CDH18: variants seen among roughly 807,000 people sequenced by gnomAD.
CDH18 encodes cadherin-18.
A neutral mutation model predicts 67.9 loss-of-function variants in CDH18; 31 were observed. The ratio of observed to expected loss-of-function variants is 0.46; its 90% CI spans 0.34 to 0.62. The LOEUF (loss-of-function observed/expected upper bound fraction) is 0.62, where lower values mean the gene tolerates loss of function less well. CDH18 is among the 20% of genes least tolerant of loss of function. CDH18 has a pLI of 0.01. For synonymous variants in CDH18, 362 were observed against 347.2 expected, an observed-to-expected ratio of 1.04 and a Z score of -0.48; for missense variants, 890 against 975.5, an observed-to-expected ratio of 0.91 and a Z score of 1.17.
intron 3 of CDH18, among the ~76,000 whole-genome samples, chr5:19,757,710 T>G (rs1581217132): frequency 6.6e-6 from 1 of 152,204 alleles, no homozygotes; most frequent in African/African-American, 2.4e-5. Context: ...CAAATTTCTT[T>G]GTCACCAATT....
chr5:20,166,414 T>C (rs1199605749), intron 2 of CDH18, among the ~76,000 whole-genome samples: 1 of 121,468 alleles, frequency 8.2e-6, no homozygotes, highest in Non-Finnish European at 1.6e-5. Context: ...CACTCCAGCC[T>C]GGGCAACAGA....
chr5:20,021,000 CT>C (rs1738368045), intron 2 of CDH18, among the ~76,000 whole-genome samples: 1 of 151,560 alleles, frequency 6.6e-6, no homozygotes, highest in Non-Finnish European at 1.5e-5. Flanking sequence ...GGTGAAGGTT[CT>C]CAAGGCCTTG....
intron 1 of CDH18, among the ~76,000 whole-genome samples, chr5:20,488,891 G>A (rs565010358): frequency 2.6e-5 from 4 of 151,694 alleles, no homozygotes; most frequent in East Asian, 1.9e-4. Flanking sequence ...AAGAACCTGC[G>A]GTTTTAATTT....
intron 5 of CDH18, among the ~76,000 whole-genome samples, chr5:19,704,597 G>C (rs1425217542): frequency 6.6e-6 from 1 of 152,196 alleles, no homozygotes; most frequent in Admixed American, 6.5e-5. Context: ...CCAAAGTTTA[G>C]GATATTATTT....
At chr5:20,400,872 C>T (rs1363574027) in intron 1 of CDH18, among the ~76,000 whole-genome samples, 4 of 152,154 alleles carry the variant, frequency 2.6e-5, no homozygotes, top group African/African-American at 9.7e-5. Flanking sequence ...ATCCCTTATA[C>T]TGAAACTTAT....
intron 1 of CDH18, among the ~76,000 whole-genome samples, chr5:19,983,479 C>A (rs531615238): frequency 3.9e-5 from 6 of 152,106 alleles, no homozygotes; most frequent in Non-Finnish European, 8.8e-5. Flanking sequence ...TGAGTAAAAT[C>A]TTGAATAAGA....
intron 1 of CDH18, among the ~76,000 whole-genome samples, chr5:20,393,332 A>G (rs1326702516): frequency 6.6e-6 from 1 of 151,998 alleles, no homozygotes; most frequent in Non-Finnish European, 1.5e-5. Flanking sequence ...AGAAGCATAT[A>G]TATACATTCA....
chr5:19,473,758 G>A lies in CDH18; in HGVS notation c.1883-42C>T, dbSNP rs138154456. 31 of 1,468,342 alleles carry A rather than the reference G, an allele frequency of 2.1e-5. No individual in the cohort carries two copies. In the African/African-American group the frequency reaches 3.7e-4, roughly 17 times the overall value. 91.0% of individuals were successfully genotyped at this position (1,468,342 alleles called of 1,614,324 possible). A position where few individuals can be genotyped will look rare whatever the true frequency, so the allele number is the denominator to read the frequency against. On this transcript the variant is annotated intron_variant, in intron 12 of 12. Coordinates refer to ENST00000382275, the MANE Select transcript of CDH18 (RefSeq NM_004934.5). ...AAAGGATGAAGAATTAAGAAAACAG[G>A]AAGGAAATTCTTAGAGATTTTACAA...
rs1554093992 is a variant in CDH18 at position 20,130,078 on chromosome 5, A to ATTATTATTATTATTATTATTG, written c.-518+125365_-518+125366insCAATAATAATAATAATAATAA. Among the ~76,000 whole-genome samples, 115 of 142,134 alleles carry ATTATTATTATTATTATTATTG rather than the reference A, an allele frequency of 8.1e-4. 1 individual carries two copies. Among genetic ancestry groups the ATTATTATTATTATTATTATTG allele is most frequent in the African/African-American group, 2.8e-3 (109 of 38,628 alleles). 93.2% of individuals were successfully genotyped at this position (142,134 alleles called of 152,430 possible). Reference sequence around the variant, plus strand: ...TGGCAATATTATTATTATTATTGTTATTATTATTATTATTATTGAATGTGT... The same window carrying ATTATTATTATTATTATTATTG: ...TGGCAATATTATTATTATTATTGTTATTATTATTATTATTATTATTGTTATTATTATTATTATTGAATGTGT... On this transcript the variant is annotated intron_variant, in intron 2 of 14. Coordinates refer to the CDH18 transcript ENST00000507958.
In CDH18 at chr5:20,328,473, T is replaced by TTG. The variant is rs70954646; in HGVS notation, c.-579-72970_-579-72969dup. Among the ~76,000 whole-genome samples the TTG allele has an allele frequency of 1.2e-3, 163 of 141,398 alleles. 1 individual carries two copies. The highest frequency in any genetic ancestry group is 3.3e-3 in the African/African-American group (122 of 37,092). 92.8% of individuals were successfully genotyped at this position (141,398 alleles called of 152,430 possible). ...TTTATTGAGGTGTTGGAGAAGCCAT[T>TTG]TGTGTGTGTGTGTGTGTGTGTGTGT... On this transcript the variant is annotated intron_variant, in intron 1 of 14. Coordinates refer to the CDH18 transcript ENST00000507958.
chr5:19,868,400 G>C (rs2150009600), intron 2 of CDH18, among the ~76,000 whole-genome samples: 1 of 152,074 alleles, frequency 6.6e-6, no homozygotes, highest in Middle Eastern at 3.4e-3. Context: ...ACTAACAAGA[G>C]ATATACTATA....
intron 1 of CDH18, among the ~76,000 whole-genome samples, chr5:20,553,183 C>A (rs1757731050): frequency 3.3e-5 from 5 of 152,158 alleles, no homozygotes; most frequent in Admixed American, 2.6e-4. Context: ...TAACTTTAGT[C>A]TGTGGAAAGA....
chr5:19,761,591 A>G (rs1772357099), intron 3 of CDH18, among the ~76,000 whole-genome samples: 1 of 152,180 alleles, frequency 6.6e-6, no homozygotes. Context: ...AAAATAAAAG[A>G]GGACACAAAC....
At chr5:19,725,554 G>A (rs945632727) in intron 4 of CDH18, among the ~76,000 whole-genome samples, 3 of 152,158 alleles carry the variant, frequency 2.0e-5, no homozygotes, top group Admixed American at 6.5e-5. Context: ...TGGATCACCT[G>A]AGGTTGGTGA....
At chr5:19,984,505 A>G (rs1799375385) in intron 1 of CDH18, among the ~76,000 whole-genome samples, 1 of 152,186 alleles carries the variant, frequency 6.6e-6, no homozygotes. Context: ...CATGAAAATA[A>G]TATAGCAGAG....
chr5:19,614,929 C>T (rs1561473369), intron 5 of CDH18, among the ~76,000 whole-genome samples: 1 of 152,050 alleles, frequency 6.6e-6, no homozygotes, highest in East Asian at 1.9e-4. Context: ...AGGCAGATCA[C>T]GAGGTCAGAA....
At chr5:20,386,848 T>G (rs1447784043) in intron 1 of CDH18, among the ~76,000 whole-genome samples, 1 of 152,142 alleles carries the variant, frequency 6.6e-6, no homozygotes, top group Admixed American at 6.5e-5. Context: ...ATTATGTTTA[T>G]TTTGGGGCAT....
intron 2 of CDH18, among the ~76,000 whole-genome samples, chr5:20,107,081 TTTC>T (rs1410600688): frequency 1.9e-5 from 1 of 53,352 alleles, no homozygotes; most frequent in Non-Finnish European, 5.1e-5. Context: ...CTTTTATAAC[TTTC>T]TTTTTTTTTT....
Position 20,439,414 on chromosome 5 carries a change from A to G in CDH18, c.-580+136048T>C, listed in dbSNP as rs537048484. On this transcript the variant is annotated intron_variant, in intron 1 of 14. Transcript: ENST00000507958. ...CTGAAATGAGAGTTTTCAGACTTGA[A>G]AGATCAGAAACCACAGGACTTAGAT... is the stretch of plus-strand genomic sequence containing the variant. Among the ~76,000 whole-genome samples the G allele has an allele frequency of 3.2e-3, 489 of 151,346 alleles. 12 individuals are homozygous for G. The highest frequency in any genetic ancestry group is 0.011 in the African/African-American group (471 of 41,024).
Sources: gnomAD v4.1 joint callset for allele counts (sites outside exome capture counted in the v4.1 genomes callset) on GRCh38, gnomAD v4.1.1 for gene constraint, MANE v1.5 for transcripts, NCBI Gene and HGNC (gene_info 2026-07-23, HGNC 2026-07-21) for gene names.